VDAC1: variants seen among roughly 807,000 people sequenced by gnomAD.
VDAC1 encodes voltage dependent anion channel 1, also known as non-selective voltage-gated ion channel VDAC1.
Under a neutral mutation model 34.7 loss-of-function variants are expected in VDAC1, and 10 were observed. That is an observed-to-expected ratio of 0.29 (90% CI 0.18 to 0.49). VDAC1 has a LOEUF of 0.49. Ranked by LOEUF, VDAC1 falls within the 20% of genes least tolerant of loss-of-function variation. VDAC1 has a pLI of 0.99. For synonymous variants in VDAC1, 130 were observed against 136.0 expected (o/e 0.96, Z 0.30); for missense variants, 230 against 347.9 (o/e 0.66, Z 2.69).
the VDAC1 span, among the ~76,000 whole-genome samples, chr5:134,016,129 G>A: frequency 6.6e-6 from 1 of 152,184 alleles, no homozygotes; most frequent in Non-Finnish European, 1.5e-5. Flanking sequence ...AAAGGAGGCC[G>A]GGTGTGGTAT....
At chr5:134,028,202 G>A in the VDAC1 span, among the ~76,000 whole-genome samples, 7 of 151,764 alleles carry the variant, frequency 4.6e-5, no homozygotes, top group East Asian at 1.9e-4. Flanking sequence ...GTGCCATCTC[G>A]GCTCACTGCA....
chr5:134,081,340 G>A, the VDAC1 span, among the ~76,000 whole-genome samples: 4 of 151,850 alleles, frequency 2.6e-5, no homozygotes, highest in African/African-American at 9.7e-5. Context: ...CCCAGCCCTA[G>A]ATAACTTTTT....
At chr5:134,055,591 T>TTTGTTTTTTTTTTGTTTTTG in the VDAC1 span, among the ~76,000 whole-genome samples, 254 of 32,432 alleles carry the variant, frequency 7.8e-3, 11 homozygotes, top group African/African-American at 0.023. Context: ...CGCTAATGTT[T>TTTGTTTTTTTTTTGTTTTTG]TTTTTTTTTT....
At chr5:133,982,873 A>C (rs1364780034) in intron 5 of VDAC1, among the ~76,000 whole-genome samples, 1 of 151,630 alleles carries the variant, frequency 6.6e-6, no homozygotes, top group Non-Finnish European at 1.5e-5. Flanking sequence ...CTGGGTAGCA[A>C]GAATAAAACT....
chr5:134,074,305 A>AAAATAAATAAAT, the VDAC1 span, among the ~76,000 whole-genome samples: 4 of 136,772 alleles, frequency 2.9e-5, no homozygotes, highest in Non-Finnish European at 6.2e-5. Context: ...ACTCCATCTC[A>AAAATAAATAAAT]AAATAAATAA....
In VDAC1 at chr5:134,002,998, T is replaced by C. The variant is rs948608078; in HGVS notation, c.-7+1897A>G. Among the ~76,000 whole-genome samples the C allele has an allele frequency of 3.3e-5, 5 of 151,282 alleles. No homozygotes were observed. In the East Asian group the frequency reaches 7.7e-4, roughly 23 times the overall value. On this transcript the variant is annotated intron_variant, in intron 1 of 8. Coordinates refer to ENST00000265333, the MANE Select transcript of VDAC1 (RefSeq NM_003374.3). ...AAAAAAGTCCAGGATCAAAGGACTA[T>C]GGTCTGGGCCTGCAGCCCTTCATAT...
chr5:134,068,268 T>G, the VDAC1 span, among the ~76,000 whole-genome samples: 1 of 152,198 alleles, frequency 6.6e-6, no homozygotes, highest in Non-Finnish European at 1.5e-5. Flanking sequence ...ACACAAGGAT[T>G]ATGAGATTTA....
At chr5:134,073,968 G>GT in the VDAC1 span, among the ~76,000 whole-genome samples, 6 of 152,128 alleles carry the variant, frequency 3.9e-5, no homozygotes, top group South Asian at 2.1e-4. Context: ...AAAATGTTAT[G>GT]TTTTTTCCCA....
intron 5 of VDAC1, among the ~76,000 whole-genome samples, chr5:133,981,867 A>G (rs929488764): frequency 6.6e-6 from 1 of 152,244 alleles, no homozygotes; most frequent in Non-Finnish European, 1.5e-5. Context: ...CAGAGACCAC[A>G]GGAGGAACCA....
the VDAC1 span, among the ~76,000 whole-genome samples, chr5:134,030,604 C>CTT: frequency 5.6e-5 from 6 of 107,716 alleles, no homozygotes; most frequent in East Asian, 2.4e-4. Flanking sequence ...TTCTTTCTTT[C>CTT]TTTTTTTTTT....
chr5:134,102,203 G>T, the VDAC1 span, among the ~76,000 whole-genome samples: 7 of 152,106 alleles, frequency 4.6e-5, no homozygotes, highest in South Asian at 2.1e-4. Flanking sequence ...GCTCTGGGGG[G>T]ACTCTGGGCC....
At chr5:134,093,405 G>T in the VDAC1 span, among the ~76,000 whole-genome samples, 1 of 152,210 alleles carries the variant, frequency 6.6e-6, no homozygotes, top group Admixed American at 6.5e-5. Flanking sequence ...TTCCTTTAGA[G>T]CGGTGTCCCA....
chr5:134,085,170 G>A, the VDAC1 span, among the ~76,000 whole-genome samples: 27 of 151,914 alleles, frequency 1.8e-4, no homozygotes, highest in Admixed American at 5.2e-4. Context: ...CCGGGTTCAC[G>A]CCTTTCCCCT....
At chr5:134,080,513 T>A in the VDAC1 span, among the ~76,000 whole-genome samples, 1 of 151,906 alleles carries the variant, frequency 6.6e-6, no homozygotes, top group Non-Finnish European at 1.5e-5. Flanking sequence ...ACGGGCAGGT[T>A]AAGTCACGGA....
intron 1 of VDAC1, among the ~76,000 whole-genome samples, chr5:134,002,598 C>T (rs1753600809): frequency 6.6e-6 from 1 of 152,206 alleles, no homozygotes; most frequent in Non-Finnish European, 1.5e-5. Context: ...CATACTGTTA[C>T]AGTTCTTTAA....
At chr5:134,082,386 A>G in the VDAC1 span, among the ~76,000 whole-genome samples, 2,517 of 152,320 alleles carry the variant, frequency 0.017, 76 homozygotes, top group African/African-American at 0.052. Context: ...CCATGTTGTT[A>G]CACATACCAA....
the VDAC1 span, among the ~76,000 whole-genome samples, chr5:134,010,690 C>T: frequency 1.3e-5 from 2 of 152,066 alleles, no homozygotes; most frequent in Non-Finnish European, 2.9e-5. Flanking sequence ...TTACTTCAAC[C>T]CCAACATTAA....
intron 5 of VDAC1, among the ~76,000 whole-genome samples, chr5:133,984,243 G>C (rs1178379960): frequency 1.3e-5 from 2 of 151,616 alleles, no homozygotes; most frequent in Non-Finnish European, 2.9e-5. Context: ...TGTGCATGTG[G>C]GTAGACGGGG....
chr5:134,025,076 G>C, the VDAC1 span, among the ~76,000 whole-genome samples: 1 of 152,148 alleles, frequency 6.6e-6, no homozygotes, highest in Non-Finnish European at 1.5e-5. Context: ...AGTCCATTTT[G>C]GTGTTGCCAT....
Sources: gnomAD v4.1 joint callset for allele counts (sites outside exome capture counted in the v4.1 genomes callset) on GRCh38, gnomAD v4.1.1 for gene constraint, MANE v1.5 for transcripts, NCBI Gene and HGNC (gene_info 2026-07-23, HGNC 2026-07-21) for gene names.